ESCO1: variants seen among roughly 807,000 people sequenced by gnomAD.
The protein encoded by ESCO1 is establishment of sister chromatid cohesion N-acetyltransferase 1.
A neutral mutation model predicts 83.5 loss-of-function variants in ESCO1; 33 were observed. That is an observed-to-expected ratio of 0.40 (90% CI 0.30 to 0.53). ESCO1 has a LOEUF of 0.53. Ranked by LOEUF, ESCO1 falls within the 20% of genes least tolerant of loss-of-function variation. The probability of loss-of-function intolerance (pLI) is 0.63; values close to 1 mark genes in which losing one functional copy is unlikely to be tolerated. For missense variants in ESCO1, 855 were observed against 968.0 expected, an observed-to-expected ratio of 0.88 and a Z score of 1.55; for synonymous variants, 332 against 324.3, an observed-to-expected ratio of 1.02 and a Z score of -0.25.
At chr18:21,549,612 A>G (rs958714703) in intron 8 of ESCO1, among the ~76,000 whole-genome samples, 2 of 151,690 alleles carry the variant, frequency 1.3e-5, no homozygotes, top group Non-Finnish European at 2.9e-5. Context: ...ACGGGGTTTT[A>G]CCATGTTGGT....
intron 2 of ESCO1, among the ~76,000 whole-genome samples, chr18:21,581,779 G>A (rs1218388200): frequency 6.6e-6 from 1 of 152,112 alleles, no homozygotes; most frequent in Non-Finnish European, 1.5e-5. Context: ...AGCTACTTCA[G>A]AGATGAAGCA....
chr18:21,531,047 A>C (rs2037760918), intron 11 of ESCO1, among the ~76,000 whole-genome samples: 1 of 152,230 alleles, frequency 6.6e-6, no homozygotes. Flanking sequence ...CTGCATATTC[A>C]AGATTGATAT....
Position 21,573,669 on chromosome 18 carries a change from G to T in ESCO1, c.1175C>A (p.Thr392Asn), listed in dbSNP as rs1384389116. 14 of 1,613,990 alleles carry T rather than the reference G, an allele frequency of 8.7e-6. No individual in the cohort carries two copies. The highest frequency in any genetic ancestry group is 1.2e-5 in the Non-Finnish European group (14 of 1,180,026). ...GTTAAATTTTGAGAGTTTAATTTTA[G>T]TCCAGTTGGAGTTCTTCTTGGCTGA... Reference protein sequence around the residue: ...NSSAKKNSNWTKIKLSKFNSV... With the variant: ...NSSAKKNSNWNKIKLSKFNSV... The change falls in exon 4 of 12, where the codon ACT becomes AAT. Residue 392 changes from threonine to asparagine, a missense_variant. Physicochemically the swap from Thr to Asn is moderately conservative, Grantham distance 65. This residue lies in a region of ESCO1 where 726 missense variants were observed against 699.5 expected (regional missense o/e 1.04). Transcript: ENST00000269214.
chr18:21,573,874 C>G lies in ESCO1; in HGVS notation c.970G>C (p.Glu324Gln), dbSNP rs148536942. The change falls in exon 4 of 12, where the codon GAA becomes CAA. Residue 324 changes from glutamate (E) to glutamine (Q), a missense_variant. By Grantham distance (29) the Glu-to-Gln change is conservative. Coordinates refer to ENST00000269214, the MANE Select transcript of ESCO1 (RefSeq NM_052911.3). ...IESDNVEVKK[E>Q]SSQMESVKEE... is the part of the protein sequence containing the mutation. ...TTTACACTTTCCATTTGTGAAGATTCCTTTTTTACCTCTACATTATCTGAC... is the reference window on the plus strand; with the variant it reads ...TTTACACTTTCCATTTGTGAAGATTGCTTTTTTACCTCTACATTATCTGAC... 5.0e-6 allele frequency: 8 copies of G among 1,614,042 alleles called. No homozygotes were observed. Among genetic ancestry groups the G allele is most frequent in the South Asian group, 3.3e-5 (3 of 91,066 alleles).
At chr18:21,579,794 G>GCGCGCGCGCGCA (rs1192534759) in intron 2 of ESCO1, among the ~76,000 whole-genome samples, 3 of 37,126 alleles carry the variant, frequency 8.1e-5, no homozygotes, top group African/African-American at 1.7e-4. Flanking sequence ...ACGCGCGCGC[G>GCGCGCGCGCGCA]CACACACACA....
intron 1 of ESCO1, among the ~76,000 whole-genome samples, chr18:21,591,859 G>A (rs866505777): frequency 1.3e-5 from 2 of 151,330 alleles, no homozygotes; most frequent in Non-Finnish European, 2.9e-5. Context: ...AGATTAGGGA[G>A]TGGTGATGAC....
intron 4 of ESCO1, among the ~76,000 whole-genome samples, chr18:21,570,155 T>C (rs1441485964): frequency 6.6e-6 from 1 of 152,178 alleles, no homozygotes; most frequent in Non-Finnish European, 1.5e-5. Context: ...TGGAATGCAG[T>C]GAAATGATCA....
chr18:21,578,205 A>C (rs1249156950), intron 2 of ESCO1, among the ~76,000 whole-genome samples: 1 of 152,224 alleles, frequency 6.6e-6, no homozygotes, highest in African/African-American at 2.4e-5. Flanking sequence ...GGAAAAAAGT[A>C]GCTTTGAAGA....
intron 8 of ESCO1, among the ~76,000 whole-genome samples, chr18:21,542,633 T>A (rs1035286060): frequency 6.6e-6 from 1 of 152,226 alleles, no homozygotes. Flanking sequence ...CTAAGATCAA[T>A]GCACTAATCT....
At chr18:21,561,411 A>C (rs1470524878) in intron 7 of ESCO1, among the ~76,000 whole-genome samples, 2 of 151,946 alleles carry the variant, frequency 1.3e-5, no homozygotes, top group Admixed American at 1.3e-4. Context: ...GGGATGTGCC[A>C]CCATGTCTGG....
At chr18:21,598,165 A>G (rs1487627228) in intron 1 of ESCO1, among the ~76,000 whole-genome samples, 6 of 152,214 alleles carry the variant, frequency 3.9e-5, no homozygotes, top group African/African-American at 9.7e-5. Flanking sequence ...AAATCTGCCA[A>G]TAAAAGTCAT....
At chr18:21,554,414 A>T (rs4800795) in intron 8 of ESCO1, among the ~76,000 whole-genome samples, 75,788 of 152,072 alleles carry the variant, frequency 0.5, 21,557 homozygotes, top group African/African-American at 0.78. Context: ...TAAACTGTGA[A>T]ACATCCAGAC....
rs928938015 is a variant in ESCO1 at position 21,532,737 on chromosome 18, T to G, written c.2188-77A>C. 5.0e-6 allele frequency: 7 copies of G among 1,400,320 alleles called. No homozygotes were observed. In the African/African-American group the frequency reaches 8.6e-5, roughly 17 times the overall value. 86.7% of individuals were successfully genotyped at this position (1,400,320 alleles called of 1,614,324 possible). A position where few individuals can be genotyped will look rare whatever the true frequency, so the allele number is the denominator to read the frequency against. On this transcript the variant is annotated intron_variant, in intron 10 of 11. Coordinates refer to ENST00000269214, the MANE Select transcript of ESCO1 (RefSeq NM_052911.3). Reference sequence around the variant, plus strand: ...ACTAATACTGATCTGGTTGAGGCGGTTATGACATTTGACTGGCTTAACAAA... The same window carrying G: ...ACTAATACTGATCTGGTTGAGGCGGGTATGACATTTGACTGGCTTAACAAA...
chr18:21,549,918 G>A (rs2038023760), intron 8 of ESCO1, among the ~76,000 whole-genome samples: 1 of 149,658 alleles, frequency 6.7e-6, no homozygotes, highest in Middle Eastern at 3.2e-3. Flanking sequence ...AGTGAGCCAA[G>A]ATCACGCCAC....
intron 9 of ESCO1, among the ~76,000 whole-genome samples, chr18:21,536,765 T>C (rs1270908074): frequency 6.6e-6 from 1 of 152,014 alleles, no homozygotes; most frequent in Non-Finnish European, 1.5e-5. Flanking sequence ...ATTAGGAACA[T>C]TAAGACTTCC....
At chr18:21,536,653 C>G (rs886694836) in intron 9 of ESCO1, among the ~76,000 whole-genome samples, 2 of 151,816 alleles carry the variant, frequency 1.3e-5, no homozygotes, top group Non-Finnish European at 1.5e-5. Context: ...TTTTTTAACC[C>G]CTTTGGAACA....
intron 8 of ESCO1, among the ~76,000 whole-genome samples, chr18:21,541,594 A>C (rs1342032788): frequency 0.026 from 40 of 1,528 alleles, no homozygotes; most frequent in Middle Eastern, 0.33. Flanking sequence ...CACTGTCCCA[A>C]AAAAAAAAAA....
intron 8 of ESCO1, among the ~76,000 whole-genome samples, chr18:21,542,405 G>C (rs1481420338): frequency 6.6e-6 from 1 of 152,060 alleles, no homozygotes; most frequent in African/African-American, 2.4e-5. Flanking sequence ...AAAAGTTCAG[G>C]GTTTAGATCC....
Position 21,540,084 on chromosome 18 carries a change from G to A in ESCO1, c.1954-75C>T, listed in dbSNP as rs151095231. 2,691 of 1,255,526 alleles carry A rather than the reference G, an allele frequency of 2.1e-3. 6 individuals carry two copies. The highest frequency in any genetic ancestry group is 3.8e-3 in the Admixed American group (152 of 39,788). 77.8% of individuals were successfully genotyped at this position (1,255,526 alleles called of 1,614,324 possible). On this transcript the variant is annotated intron_variant, in intron 8 of 11. Coordinates refer to ENST00000269214, the MANE Select transcript of ESCO1 (RefSeq NM_052911.3). The stretch of plus-strand genomic sequence containing the variant: ...TGTATATTCTATTCATTATATCCAC[G>A]TACAAGATAAAAAGTACATCAATTT...
Sources: allele counts gnomAD v4.1 joint callset (sites outside exome capture counted in the v4.1 genomes callset), GRCh38; gene constraint gnomAD v4.1.1; regional missense constraint gnomAD v4.1.1; transcripts MANE v1.5; gene names NCBI Gene and HGNC (gene_info 2026-07-23, HGNC 2026-07-21).